Variants in NOX3 observed in about 807,000 individuals in gnomAD.
The protein encoded by NOX3 is NADPH oxidase 3, also known as NADPH oxidase catalytic subunit-like 3.
A neutral mutation model predicts 76.7 loss-of-function variants in NOX3; 74 were observed. The ratio of observed to expected loss-of-function variants is 0.96; its 90% CI spans 0.80 to 1.17. The LOEUF is 1.17. Ranked by LOEUF, NOX3 falls within the 50% of genes most tolerant of loss-of-function variation. The pLI is 0.00. For synonymous variants in NOX3, 263 were observed against 261.1 expected (o/e 1.01, Z -0.07); for missense variants, 695 against 703.3 (o/e 0.99, Z 0.13).
chr6:155,397,111 C>T, intron 12 of NOX3, 149 bp from the exon 13 acceptor site: 2 of 664,266 alleles, frequency 3.0e-6, no homozygotes, highest in East Asian at 3.5e-5. Context: ...TTCTTTTTTT[C>T]TACCTACTTT....
intron 10 of NOX3, among the ~76,000 whole-genome samples, chr6:155,416,867 C>T (rs1159024520): frequency 3.4e-5 from 5 of 148,976 alleles, no homozygotes; most frequent in African/African-American, 1.2e-4. Flanking sequence ...TCTTATGCCT[C>T]AGCCTCCCGA....
chr6:155,399,406 C>T (rs1779185420), intron 12 of NOX3, among the ~76,000 whole-genome samples: 2 of 152,190 alleles, frequency 1.3e-5, no homozygotes, highest in South Asian at 4.1e-4. Context: ...CACAGCTCCC[C>T]TGAGTCTTTT....
At position 155,428,956 on chromosome 6, in the gene NOX3, G is replaced by T. The variant is rs1562465947; in HGVS notation, c.983C>A (p.Pro328Gln). The change falls in exon 9 of 14, where the codon CCA becomes CAA. Residue 328 changes from proline to glutamine, a missense_variant. By Grantham distance (76) the Pro-to-Gln change is moderately conservative (BLOSUM62 -1). Coordinates refer to ENST00000159060, the MANE Select transcript of NOX3 (RefSeq NM_015718.3). The stretch of plus-strand genomic sequence containing the variant: ...GTGCCACTCCAGCGAAGATATGGCT[G>T]GGCACTGCACCAAGATGTACTGCCC... Reference protein sequence around the residue: ...APGQYILVQCPAISSLEWHPF... With the variant: ...APGQYILVQCQAISSLEWHPF... The T allele has an allele frequency of 6.2e-7, 1 of 1,613,686 alleles. No individual in the cohort carries two copies. Among genetic ancestry groups the T allele is most frequent in the Non-Finnish European group, 8.5e-7 (1 of 1,179,958 alleles).
At chr6:155,413,916 T>A (rs940436116) in intron 10 of NOX3, among the ~76,000 whole-genome samples, 1 of 152,244 alleles carries the variant, frequency 6.6e-6, no homozygotes, top group Non-Finnish European at 1.5e-5. Context: ...GTCCCAGTCG[T>A]CCTTTCTTGA....
chr6:155,423,194 G>C (rs1776713399), intron 9 of NOX3, among the ~76,000 whole-genome samples: 1 of 152,142 alleles, frequency 6.6e-6, no homozygotes, highest in African/African-American at 2.4e-5. Context: ...TGAGGCTGCT[G>C]GAAGAGCTAT....
At chr6:155,424,821 T>C (rs145354167) in intron 9 of NOX3, among the ~76,000 whole-genome samples, 44 of 152,354 alleles carry the variant, frequency 2.9e-4, no homozygotes, top group African/African-American at 8.9e-4. Context: ...GATTCAAATG[T>C]CTTACTGTTC....
chr6:155,429,322 T>C (rs1776801051), intron 8 of NOX3, among the ~76,000 whole-genome samples: 2 of 152,212 alleles, frequency 1.3e-5, no homozygotes, highest in Non-Finnish European at 2.9e-5. Context: ...ATGTGTCCAA[T>C]GGCCAGGCTT....
At chr6:155,418,081 C>A (rs938526833) in intron 10 of NOX3, among the ~76,000 whole-genome samples, 2 of 152,162 alleles carry the variant, frequency 1.3e-5, no homozygotes, top group African/African-American at 2.4e-5. Context: ...TTGTCTCAGT[C>A]CTGACTGCAC....
intron 10 of NOX3, among the ~76,000 whole-genome samples, chr6:155,413,672 T>C (rs183992376): frequency 6.6e-6 from 1 of 152,152 alleles, no homozygotes; most frequent in Admixed American, 6.5e-5. Context: ...TTGCTCTGGG[T>C]GGAAATGAAA....
chr6:155,401,790 CAAAA>C (rs5881135), intron 12 of NOX3, among the ~76,000 whole-genome samples: 7 of 99,390 alleles, frequency 7.0e-5, no homozygotes, highest in South Asian at 6.0e-4. Flanking sequence ...ACTGAAATTA[CAAAA>C]AAAAAAAAAA....
chr6:155,452,497 G>T (rs1158570181), intron 4 of NOX3, among the ~76,000 whole-genome samples: 1 of 152,106 alleles, frequency 6.6e-6, no homozygotes, highest in East Asian at 1.9e-4. Context: ...TTAATCCAGC[G>T]TTGAAGACAG....
intron 6 of NOX3, among the ~76,000 whole-genome samples, chr6:155,438,847 G>A (rs954759148): frequency 1.3e-5 from 2 of 152,242 alleles, no homozygotes; most frequent in Admixed American, 6.5e-5. Flanking sequence ...GTGGAAGAGG[G>A]TATTCTGTGG....
intron 6 of NOX3, 44 bp downstream of exon 6, chr6:155,439,912 T>C: frequency 6.4e-7 from 1 of 1,551,242 alleles, no homozygotes; most frequent in African/African-American, 1.4e-5. Context: ...ATTTTGGGAC[T>C]CTCAGAGATA....
intron 12 of NOX3, among the ~76,000 whole-genome samples, chr6:155,402,473 G>T (rs950302649): frequency 2.0e-5 from 3 of 152,018 alleles, no homozygotes; most frequent in Non-Finnish European, 4.4e-5. Context: ...AAAAACAATA[G>T]AACACACTTT....
chr6:155,449,606 G>T (rs1034077078), intron 4 of NOX3, among the ~76,000 whole-genome samples: 2 of 152,144 alleles, frequency 1.3e-5, no homozygotes, highest in Non-Finnish European at 2.9e-5. Context: ...TGATGTCCTT[G>T]ATTACAGATA....
chr6:155,422,679 A>G lies in NOX3; in HGVS notation c.1308+15T>C, dbSNP rs1582935492. 3.1e-6 allele frequency: 5 copies of G among 1,612,814 alleles called. No homozygotes were observed. Among genetic ancestry groups the G allele is most frequent in the Non-Finnish European group, 4.2e-6 (5 of 1,178,990 alleles). ...TTTTAATCCATGGAAGGGTGAACTA[A>G]TGATTTTTCCGTACCTTGCTCAGCT... On this transcript the variant is annotated intron_variant, in intron 10 of 13. Transcript: ENST00000159060.
chr6:155,436,956 C>T (rs1013875355), intron 6 of NOX3, among the ~76,000 whole-genome samples: 2 of 152,128 alleles, frequency 1.3e-5, no homozygotes, highest in African/African-American at 4.8e-5. Flanking sequence ...AACTTCTACC[C>T]TCCTTGGGTT....
chr6:155,453,601 C>A (rs1777174533), intron 3 of NOX3, 113 bp from the exon 4 acceptor site: 5 of 787,788 alleles, frequency 6.3e-6, no homozygotes, highest in South Asian at 3.1e-5. Context: ...TAAAGTGGGG[C>A]TATGTGACAC....
At chr6:155,421,376 T>C (rs963653315) in intron 10 of NOX3, among the ~76,000 whole-genome samples, 1 of 152,188 alleles carries the variant, frequency 6.6e-6, no homozygotes, top group South Asian at 2.1e-4. Flanking sequence ...ACCTGTCACT[T>C]GGAAACTCAT....
Sources: allele counts gnomAD v4.1 joint callset (sites outside exome capture counted in the v4.1 genomes callset), GRCh38; gene constraint gnomAD v4.1.1; transcripts MANE v1.5; gene names NCBI Gene and HGNC (gene_info 2026-07-23, HGNC 2026-07-21).